CDH13: variants seen among roughly 807,000 people sequenced by gnomAD.
The protein encoded by CDH13 is cadherin 13, also known as cadherin-13.
CDH13 carries 24 observed loss-of-function variants against 63.8 expected under a neutral mutation model. That is an observed-to-expected ratio of 0.38 (90% confidence interval 0.27 to 0.53). The LOEUF is 0.53. Among genes scored for constraint, CDH13 ranks in the 20% least tolerant of loss-of-function variants. The pLI is 0.85. For missense variants in CDH13, 1,049 were observed against 903.1 expected (o/e 1.16, Z -2.07); for synonymous variants, 503 against 355.3 (o/e 1.42, Z -4.67).
intron 5 of CDH13, among the ~76,000 whole-genome samples, chr16:83,343,316 A>G (rs998472009): frequency 1.3e-5 from 2 of 152,222 alleles, no homozygotes; most frequent in African/African-American, 2.4e-5. Flanking sequence ...AAGTAGATCA[A>G]TAAAGTTTAA....
At chr16:82,937,966 TTTGAG>T (rs2042721598) in intron 2 of CDH13, among the ~76,000 whole-genome samples, 1 of 152,254 alleles carries the variant, frequency 6.6e-6, no homozygotes, top group African/African-American at 2.4e-5. Flanking sequence ...CTTAATTTAC[TTTGAG>T]TTTTTACTTA....
chr16:82,717,499 G>T (rs1036419479), intron 1 of CDH13, among the ~76,000 whole-genome samples: 1 of 151,396 alleles, frequency 6.6e-6, no homozygotes, highest in South Asian at 2.1e-4. Context: ...AATCCTGGAA[G>T]GCAACTTGTT....
chr16:82,872,936 C>T (rs576355526), intron 2 of CDH13, among the ~76,000 whole-genome samples: 11 of 152,150 alleles, frequency 7.2e-5, no homozygotes, highest in African/African-American at 1.7e-4. Context: ...TTGATGATAT[C>T]AGAGAGAGAA....
chr16:82,743,071 C>T (rs1410890342), intron 1 of CDH13, among the ~76,000 whole-genome samples: 1 of 151,944 alleles, frequency 6.6e-6, no homozygotes, highest in Non-Finnish European at 1.5e-5. Flanking sequence ...ATAATAAATC[C>T]CATGTATGTA....
At chr16:83,017,964 G>T (rs1914966036) in intron 2 of CDH13, among the ~76,000 whole-genome samples, 1 of 152,140 alleles carries the variant, frequency 6.6e-6, no homozygotes, top group South Asian at 2.1e-4. Context: ...TGGGAAACAA[G>T]CCCAGCAAAA....
intron 1 of CDH13, among the ~76,000 whole-genome samples, chr16:82,641,577 G>A (rs1909403118): frequency 6.6e-6 from 1 of 152,170 alleles, no homozygotes; most frequent in Admixed American, 6.5e-5. Flanking sequence ...TCTTTGACAT[G>A]TGATATATTC....
At chr16:83,271,884 C>T (rs1010561756) in intron 5 of CDH13, among the ~76,000 whole-genome samples, 1 of 152,186 alleles carries the variant, frequency 6.6e-6, no homozygotes, top group African/African-American at 2.4e-5. Context: ...GCCTCTTTAG[C>T]TGGATTAATC....
chr16:83,649,589 G>C (rs1009915461), intron 8 of CDH13, among the ~76,000 whole-genome samples: 1 of 152,172 alleles, frequency 6.6e-6, no homozygotes, highest in Non-Finnish European at 1.5e-5. Context: ...GCACTGAGGA[G>C]TACATAGCCG....
chr16:83,702,666 C>G (rs1375188511), intron 10 of CDH13, among the ~76,000 whole-genome samples: 2 of 152,188 alleles, frequency 1.3e-5, no homozygotes, highest in Non-Finnish European at 2.9e-5. Context: ...CCATGAGATG[C>G]TCAAGGTCGG....
intron 6 of CDH13, among the ~76,000 whole-genome samples, chr16:83,481,497 C>G (rs1362762830): frequency 6.6e-6 from 1 of 152,202 alleles, no homozygotes; most frequent in African/African-American, 2.4e-5. Context: ...TCAAAGCTGG[C>G]TTTCAAGGTC....
At chr16:83,698,212 T>G (rs1369518228) in intron 10 of CDH13, among the ~76,000 whole-genome samples, 2 of 152,200 alleles carry the variant, frequency 1.3e-5, no homozygotes, top group East Asian at 1.9e-4. Flanking sequence ...TGTTCAGGAG[T>G]TAATATTTAA....
chr16:83,296,334 G>A (rs541767334), intron 5 of CDH13, among the ~76,000 whole-genome samples: 2 of 152,302 alleles, frequency 1.3e-5, no homozygotes, highest in East Asian at 1.9e-4. Flanking sequence ...AGGTCAGTCA[G>A]TAGCAGAGTC....
chr16:83,238,255 G>A lies in CDH13; in HGVS notation c.636+20758G>A, dbSNP rs138164978. On this transcript the variant is annotated intron_variant, in intron 5 of 13. Coordinates refer to ENST00000567109, the MANE Select transcript of CDH13 (RefSeq NM_001257.5). ...AAAAGAGAGATTTAGTGGACTTACA[G>A]TTCCACATGTCTGGGGAGGCCTCCC... Among the ~76,000 whole-genome samples the A allele has an allele frequency of 3.3e-5, 5 of 151,302 alleles. 1 individual carries two copies. Among genetic ancestry groups the A allele is most frequent in the East Asian group, 1.9e-4 (1 of 5,160 alleles).
chr16:82,716,206 A>C (rs2032361193), intron 1 of CDH13, among the ~76,000 whole-genome samples: 1 of 152,140 alleles, frequency 6.6e-6, no homozygotes, highest in African/African-American at 2.4e-5. Flanking sequence ...GGGTTCAGGC[A>C]TGTCCTCTGC....
intron 2 of CDH13, among the ~76,000 whole-genome samples, chr16:82,899,501 C>T (rs528288491): frequency 1.2e-4 from 18 of 152,078 alleles, no homozygotes; most frequent in African/African-American, 2.7e-4. Flanking sequence ...TTGATGATAA[C>T]GAATATCCTG....
rs114713273 is a variant in CDH13, at chr16:83,370,419, G to A, written c.781+25413G>A. 3.7e-3 allele frequency among the ~76,000 whole-genome samples: 560 copies of A among 150,494 alleles called. 2 individuals are homozygous for A. The highest frequency in any genetic ancestry group is 0.013 in the African/African-American group (531 of 40,248). On this transcript the variant is annotated intron_variant, in intron 6 of 13. Transcript: ENST00000567109. ...AAAAAAAAAAACTTCCATATTTTCA[G>A]TTCTATCTTCTTTTTATTCTTCCTT...
intron 7 of CDH13, among the ~76,000 whole-genome samples, chr16:83,499,632 A>G (rs557470587): frequency 2.0e-5 from 3 of 152,360 alleles, no homozygotes; most frequent in African/African-American, 7.2e-5. Flanking sequence ...GGTTTCTTCA[A>G]CTGTAAATCA....
intron 6 of CDH13, among the ~76,000 whole-genome samples, chr16:83,442,198 A>G (rs1412062776): frequency 6.6e-6 from 1 of 152,124 alleles, no homozygotes; most frequent in Non-Finnish European, 1.5e-5. Context: ...ATGGGCACCT[A>G]TCGTTTATTT....
At chr16:83,526,897 C>T (rs1296717153) in intron 7 of CDH13, among the ~76,000 whole-genome samples, 1 of 152,070 alleles carries the variant, frequency 6.6e-6, no homozygotes, top group Non-Finnish European at 1.5e-5. Flanking sequence ...TTTGGGAGGC[C>T]AAGGCGGGCA....
Sources: gnomAD v4.1 joint callset for allele counts (sites outside exome capture counted in the v4.1 genomes callset) on GRCh38, gnomAD v4.1.1 for gene constraint, MANE v1.5 for transcripts, NCBI Gene and HGNC (gene_info 2026-07-23, HGNC 2026-07-21) for gene names.